Variants in PLXDC2 observed in about 807,000 individuals in gnomAD.
PLXDC2 encodes the protein plexin domain containing 2, also known as plexin domain-containing protein 2.
In PLXDC2, 40 loss-of-function variants were observed where a neutral mutation model predicts 68.9. The observed-to-expected ratio is 0.58, with a 90% CI of 0.45 to 0.76. PLXDC2 has a LOEUF of 0.76. Among genes scored for constraint, PLXDC2 ranks in the 30% least tolerant of loss-of-function variants. PLXDC2 has a pLI of 0.00. For synonymous variants in PLXDC2, 243 were observed against 234.2 expected (o/e 1.04, Z -0.34); for missense variants, 644 against 661.9 (o/e 0.97, Z 0.30).
intron 9 of PLXDC2, among the ~76,000 whole-genome samples, chr10:20,193,696 C>T (rs898406358): frequency 1.3e-5 from 2 of 151,978 alleles, no homozygotes; most frequent in East Asian, 3.9e-4. Context: ...TAAGAAAAAA[C>T]TACAAGTCTA....
intron 2 of PLXDC2, among the ~76,000 whole-genome samples, chr10:20,002,526 T>A (rs1834960865): frequency 6.6e-6 from 1 of 152,182 alleles, no homozygotes; most frequent in Non-Finnish European, 1.5e-5. Context: ...CCCAAAGTGC[T>A]GGGATTACAG....
chr10:19,819,031 T>TACACACACACAC (rs63295361), intron 1 of PLXDC2, among the ~76,000 whole-genome samples: 2,170 of 147,814 alleles, frequency 0.015, 32 homozygotes, highest in African/African-American at 0.043. Flanking sequence ...AATATATGTA[T>TACACACACACAC]ACACACACAC....
chr10:20,104,691 G>A (rs1384995643), intron 4 of PLXDC2, among the ~76,000 whole-genome samples: 1 of 152,000 alleles, frequency 6.6e-6, no homozygotes, highest in Non-Finnish European at 1.5e-5. Flanking sequence ...TGTTAAATGG[G>A]GGGAGAAAAC....
At chr10:20,148,158 C>T (rs1834103681) in intron 6 of PLXDC2, among the ~76,000 whole-genome samples, 1 of 151,876 alleles carries the variant, frequency 6.6e-6, no homozygotes, top group South Asian at 2.1e-4. Context: ...ATTATATTGA[C>T]TAATTATTGA....
At chr10:20,045,655 TG>T (rs1244735321) in intron 2 of PLXDC2, among the ~76,000 whole-genome samples, 1 of 152,134 alleles carries the variant, frequency 6.6e-6, no homozygotes, top group Non-Finnish European at 1.5e-5. Flanking sequence ...AAAAAATACA[TG>T]GGATTCATGT....
chr10:20,086,313 G>T (rs573439852), intron 4 of PLXDC2, among the ~76,000 whole-genome samples: 3 of 151,716 alleles, frequency 2.0e-5, no homozygotes, highest in East Asian at 1.9e-4. Flanking sequence ...GCACAAGCCA[G>T]CACACCTGAC....
chr10:19,873,649 T>C (rs1185617194), intron 1 of PLXDC2, among the ~76,000 whole-genome samples: 3 of 152,152 alleles, frequency 2.0e-5, no homozygotes, highest in South Asian at 2.1e-4. Context: ...GAACCAGAAG[T>C]GTAGTTTTAG....
intron 2 of PLXDC2, among the ~76,000 whole-genome samples, chr10:20,044,116 C>T (rs1347223667): frequency 1.5e-5 from 2 of 137,286 alleles, no homozygotes; most frequent in African/African-American, 5.6e-5. Flanking sequence ...TCCTTCCTTC[C>T]TTCCTTCCTC....
rs539207729 is a variant in PLXDC2 at position 19,965,153 on chromosome 10, C to T, written c.113-36622C>T. On this transcript the variant is annotated intron_variant, in intron 1 of 13. Coordinates refer to ENST00000377252, the MANE Select transcript of PLXDC2 (RefSeq NM_032812.9). Reference sequence around the variant, plus strand: ...TGAGTATCACATGAAACCAATGGCCCTTTGCTTGAGGGTGCTATTAAACTA... The same window carrying T: ...TGAGTATCACATGAAACCAATGGCCTTTTGCTTGAGGGTGCTATTAAACTA... 2.0e-5 allele frequency among the ~76,000 whole-genome samples: 3 copies of T among 152,222 alleles called. No homozygotes were observed. The South Asian group carries it at 6.2e-4, about 32-fold the overall frequency.
intron 1 of PLXDC2, among the ~76,000 whole-genome samples, chr10:19,848,239 G>GT (rs201619007): frequency 0.012 from 1,800 of 152,264 alleles, 30 homozygotes; most frequent in African/African-American, 0.04. Context: ...GACACAAGAC[G>GT]TACCTATTTC....
intron 7 of PLXDC2, among the ~76,000 whole-genome samples, chr10:20,174,328 T>A (rs1834495838): frequency 6.6e-6 from 1 of 152,116 alleles, no homozygotes; most frequent in Admixed American, 6.6e-5. Flanking sequence ...AATGATGTGA[T>A]TTATATACTT....
At chr10:19,839,756 A>G (rs1422548906) in intron 1 of PLXDC2, among the ~76,000 whole-genome samples, 1 of 152,098 alleles carries the variant, frequency 6.6e-6, no homozygotes, top group Non-Finnish European at 1.5e-5. Flanking sequence ...CTCGACAGAG[A>G]TTAATGTGTA....
At chr10:19,966,929 G>A (rs776615127) in intron 1 of PLXDC2, among the ~76,000 whole-genome samples, 3 of 152,186 alleles carry the variant, frequency 2.0e-5, no homozygotes, top group Non-Finnish European at 2.9e-5. Context: ...GCTGGTGCTG[G>A]GTCGCTGTTT....
chr10:20,027,870 C>G (rs1712975757), intron 2 of PLXDC2, among the ~76,000 whole-genome samples: 1 of 152,166 alleles, frequency 6.6e-6, no homozygotes, highest in South Asian at 2.1e-4. Context: ...ACACAGCCTA[C>G]TTTACTGAGA....
chr10:20,008,428 T>C (rs11011733), intron 2 of PLXDC2, among the ~76,000 whole-genome samples: 35,207 of 151,868 alleles, frequency 0.23, 4,391 homozygotes, highest in East Asian at 0.5. Flanking sequence ...GTGGTGCGTG[T>C]TGTAGTCCCA....
chr10:19,882,450 G>GTCT (rs1837745658), intron 1 of PLXDC2, among the ~76,000 whole-genome samples: 1 of 152,148 alleles, frequency 6.6e-6, no homozygotes, highest in Admixed American at 6.6e-5. Flanking sequence ...AAAAGCAAAG[G>GTCT]AAGAGGTTAG....
intron 2 of PLXDC2, among the ~76,000 whole-genome samples, chr10:20,034,555 T>C (rs1485923399): frequency 6.6e-6 from 1 of 152,188 alleles, no homozygotes; most frequent in Non-Finnish European, 1.5e-5. Context: ...TTTTCCGATA[T>C]CAAAGGCTAC....
intron 12 of PLXDC2, among the ~76,000 whole-genome samples, chr10:20,232,527 G>C (rs1249414196): frequency 6.6e-6 from 1 of 152,086 alleles, no homozygotes; most frequent in Non-Finnish European, 1.5e-5. Context: ...TGTTACACAA[G>C]GGGTTACTAC....
intron 1 of PLXDC2, among the ~76,000 whole-genome samples, chr10:19,971,744 G>A (rs1004396308): frequency 6.6e-6 from 1 of 151,878 alleles, no homozygotes; most frequent in Non-Finnish European, 1.5e-5. Context: ...TTTTTATGAA[G>A]CAATGTGTCT....
Sources: gnomAD v4.1 joint callset for allele counts (sites outside exome capture counted in the v4.1 genomes callset) on GRCh38, gnomAD v4.1.1 for gene constraint, MANE v1.5 for transcripts, NCBI Gene and HGNC (gene_info 2026-07-23, HGNC 2026-07-21) for gene names.